Variants in SSH2 observed in about 807,000 individuals in gnomAD.
The protein encoded by SSH2 is slingshot protein phosphatase 2.
Under a neutral mutation model 135.2 loss-of-function variants are expected in SSH2, and 37 were observed. That is an observed-to-expected ratio of 0.27 (90% CI 0.21 to 0.36). The LOEUF (loss-of-function observed/expected upper bound fraction) is 0.36. Among genes scored for constraint, SSH2 ranks in the 10% least tolerant of loss-of-function variants. SSH2 has a pLI of 1.00. For synonymous variants in SSH2, 628 were observed against 646.2 expected (o/e 0.97, Z 0.43); for missense variants, 1,408 against 1,765.3 (o/e 0.80, Z 3.63).
At chr17:29,664,503 C>A (rs930315956) in intron 11 of SSH2, among the ~76,000 whole-genome samples, 5 of 151,606 alleles carry the variant, frequency 3.3e-5, no homozygotes, top group African/African-American at 1.2e-4. Flanking sequence ...CATGGATTAT[C>A]ATTATTTTTA....
At chr17:29,682,386 T>C (rs550578692) in intron 6 of SSH2, among the ~76,000 whole-genome samples, 1 of 152,350 alleles carries the variant, frequency 6.6e-6, no homozygotes, top group Non-Finnish European at 1.5e-5. Context: ...TCTATACATG[T>C]ACTGTCTAAT....
At chr17:29,833,177 G>A (rs997215339) in intron 2 of SSH2, among the ~76,000 whole-genome samples, 4 of 152,136 alleles carry the variant, frequency 2.6e-5, no homozygotes, top group Admixed American at 2.0e-4. Context: ...AATATTGAAA[G>A]TGGAATGATG....
intron 5 of SSH2, among the ~76,000 whole-genome samples, chr17:29,692,319 C>T (rs1056215596): frequency 6.6e-6 from 1 of 152,092 alleles, no homozygotes; most frequent in Non-Finnish European, 1.5e-5. Context: ...GCTAATTTGT[C>T]CAAAGTCATA....
At chr17:29,761,580 G>T in intron 3 of SSH2, 1 of 279,860 alleles carries the variant, frequency 3.6e-6, no homozygotes, top group Middle Eastern at 1.8e-3. Flanking sequence ...AGCCTTTAGG[G>T]CATCCGGCGG....
chr17:29,797,798 G>A (rs575996862), intron 2 of SSH2, among the ~76,000 whole-genome samples: 5 of 152,300 alleles, frequency 3.3e-5, no homozygotes, highest in African/African-American at 1.2e-4. Context: ...TGAGGTGGGA[G>A]GATCGGTTGA....
rs1408432431 is a variant in SSH2 at position 29,687,940 on chromosome 17, G to C, written c.358-3256C>G. Among the ~76,000 whole-genome samples the C allele has an allele frequency of 2.6e-5, 4 of 151,834 alleles. No homozygotes were observed. In the East Asian group the frequency reaches 7.7e-4, roughly 29 times the overall value. ...TTCATAAGTATTATCTATAATGCAAGTTACCAGCCAAGTTAGAAGTGGGCT... is the reference window on the plus strand; with the variant it reads ...TTCATAAGTATTATCTATAATGCAACTTACCAGCCAAGTTAGAAGTGGGCT... On this transcript the variant is annotated intron_variant, in intron 5 of 15. Transcript: ENST00000540801.
At chr17:29,737,817 T>C (rs1042285674) in intron 3 of SSH2, among the ~76,000 whole-genome samples, 2 of 152,216 alleles carry the variant, frequency 1.3e-5, no homozygotes, top group African/African-American at 4.8e-5. Flanking sequence ...GATATTCTGC[T>C]AACTTACCTT....
chr17:29,653,245 A>C (rs915226060), intron 12 of SSH2, among the ~76,000 whole-genome samples: 1 of 152,166 alleles, frequency 6.6e-6, no homozygotes, highest in African/African-American at 2.4e-5. Flanking sequence ...AAATCCCATT[A>C]AGTCATCTAT....
intron 14 of SSH2, among the ~76,000 whole-genome samples, chr17:29,639,986 C>T (rs957314495): frequency 6.6e-6 from 1 of 152,186 alleles, no homozygotes; most frequent in Admixed American, 6.5e-5. Flanking sequence ...ACTGGGAAGA[C>T]CTCTCAGGGG....
intron 2 of SSH2, among the ~76,000 whole-genome samples, chr17:29,836,471 T>C (rs2042945848): frequency 6.6e-6 from 1 of 152,160 alleles, no homozygotes; most frequent in Admixed American, 6.6e-5. Context: ...CAGAGTAGAC[T>C]TAAATAATTG....
At chr17:29,905,576 T>C (rs1349312317) in intron 1 of SSH2, among the ~76,000 whole-genome samples, 1 of 152,352 alleles carries the variant, frequency 6.6e-6, no homozygotes, top group Admixed American at 6.5e-5. Context: ...GCTGCCTGGC[T>C]TCTCCCTGCT....
chr17:29,929,612 A>G (rs901266417), intron 1 of SSH2, among the ~76,000 whole-genome samples: 1 of 152,146 alleles, frequency 6.6e-6, no homozygotes, highest in Non-Finnish European at 1.5e-5. Flanking sequence ...GCAGAGCAAC[A>G]GAGGGTAAAA....
intron 1 of SSH2, among the ~76,000 whole-genome samples, chr17:29,864,702 T>C (rs2065825335): frequency 6.6e-6 from 1 of 151,858 alleles, no homozygotes; most frequent in South Asian, 2.1e-4. Flanking sequence ...TGTTTGTTTT[T>C]TGTTTTTGAA....
At chr17:29,883,510 T>TTATATATATAC (rs2066177229) in intron 1 of SSH2, among the ~76,000 whole-genome samples, 1 of 152,230 alleles carries the variant, frequency 6.6e-6, no homozygotes, top group South Asian at 2.1e-4. Context: ...TAAGTTATAC[T>TTATATATATAC]GTATATAAAT....
At chr17:29,784,412 G>A (rs940671114) in intron 3 of SSH2, among the ~76,000 whole-genome samples, 10 of 151,282 alleles carry the variant, frequency 6.6e-5, no homozygotes, top group African/African-American at 2.2e-4. Context: ...ATTGGGGGCC[G>A]AGGCAGGTGA....
chr17:29,878,905 G>GA (rs368159664), intron 1 of SSH2, among the ~76,000 whole-genome samples: 1 of 152,124 alleles, frequency 6.6e-6, no homozygotes. Flanking sequence ...ATGAATAACA[G>GA]AAAAAGTCTG....
chr17:29,875,048 C>A (rs963392041), intron 1 of SSH2, among the ~76,000 whole-genome samples: 2 of 152,070 alleles, frequency 1.3e-5, no homozygotes, highest in East Asian at 3.9e-4. Context: ...TCAAAAAAAT[C>A]ATAAAGTCAT....
chr17:29,787,756 G>A (rs1375713906), intron 3 of SSH2: 1 of 150,690 alleles, frequency 6.6e-6, no homozygotes, highest in Non-Finnish European at 1.5e-5. Context: ...TTAAGAGACA[G>A]GGTCTTGTAC....
At chr17:29,912,154 C>A (rs895718088) in intron 1 of SSH2, among the ~76,000 whole-genome samples, 1 of 152,112 alleles carries the variant, frequency 6.6e-6, no homozygotes, top group Non-Finnish European at 1.5e-5. Flanking sequence ...TACCTTTTAC[C>A]CCTTTCTGCA....
Sources: gnomAD v4.1 joint callset for allele counts (sites outside exome capture counted in the v4.1 genomes callset) on GRCh38, gnomAD v4.1.1 for gene constraint, MANE v1.5 for transcripts, NCBI Gene and HGNC (gene_info 2026-07-23, HGNC 2026-07-21) for gene names.